Variants in PDE3A observed in about 807,000 individuals in gnomAD.
The protein encoded by PDE3A is cGMP-inhibited 3',5'-cyclic phosphodiesterase 3A.
PDE3A carries 43 observed loss-of-function variants against 98.3 expected under a neutral mutation model. That is an observed-to-expected ratio of 0.44 (90% confidence interval 0.34 to 0.56). The LOEUF (loss-of-function observed/expected upper bound fraction) is 0.56. PDE3A is among the 20% of genes least tolerant of loss of function. The pLI is 0.01. For missense variants in PDE3A, 1,427 were observed against 1,440.7 expected (o/e 0.99, Z 0.15); for synonymous variants, 663 against 567.9 (o/e 1.17, Z -2.38).
intron 1 of PDE3A, among the ~76,000 whole-genome samples, chr12:20,541,302 A>G (rs1415942297): frequency 6.6e-6 from 1 of 151,660 alleles, no homozygotes; most frequent in African/African-American, 2.4e-5. Flanking sequence ...AGGTCTCACT[A>G]TGTTGCCCAG....
chr12:20,519,752 T>C (rs1364507441), intron 1 of PDE3A, among the ~76,000 whole-genome samples: 1 of 152,144 alleles, frequency 6.6e-6, no homozygotes, highest in East Asian at 1.9e-4. Context: ...GTTTGGTTGA[T>C]TGATTTTCTC....
chr12:20,467,680 T>G (rs148108485), intron 1 of PDE3A, among the ~76,000 whole-genome samples: 3,017 of 152,022 alleles, frequency 0.02, 114 homozygotes, highest in African/African-American at 0.069. Context: ...CTCCTGCCTG[T>G]AATCCCAGCA....
chr12:20,657,970 G>C (rs1945081229), intron 15 of PDE3A, among the ~76,000 whole-genome samples: 1 of 152,166 alleles, frequency 6.6e-6, no homozygotes, highest in Admixed American at 6.5e-5. Context: ...ATTCAAACCT[G>C]TCCTTCAGAC....
chr12:20,411,438 A>G (rs1349058554), intron 1 of PDE3A, among the ~76,000 whole-genome samples: 1 of 152,142 alleles, frequency 6.6e-6, no homozygotes, highest in Admixed American at 6.6e-5. Flanking sequence ...ACTTGGCATA[A>G]TGTATTCAAG....
intron 2 of PDE3A, among the ~76,000 whole-genome samples, chr12:20,561,491 G>A (rs1450953675): frequency 6.6e-6 from 1 of 152,282 alleles, no homozygotes; most frequent in East Asian, 1.9e-4. Flanking sequence ...TGTCAGATGT[G>A]AGTGTGCTAG....
intron 1 of PDE3A, among the ~76,000 whole-genome samples, chr12:20,512,838 AG>A (rs1363695502): frequency 6.6e-6 from 1 of 152,108 alleles, no homozygotes; most frequent in Non-Finnish European, 1.5e-5. Context: ...TGGGAGAAAA[AG>A]ACTCAATGTA....
intron 1 of PDE3A, among the ~76,000 whole-genome samples, chr12:20,410,899 C>A (rs554590459): frequency 2.6e-5 from 4 of 152,196 alleles, no homozygotes; most frequent in Non-Finnish European, 5.9e-5. Context: ...GTTCTGTCCA[C>A]AGAGCCCTTA....
Position 20,454,344 on chromosome 12 carries a change from CTG to C in PDE3A, c.960+84102_960+84103del. The stretch of plus-strand genomic sequence containing the variant: ...CCCTCACCACTCTGTCTTTACCTAA[CTG>C]TATTTTTCTGCAGTTACCAGCTGAC... On this transcript the variant is annotated intron_variant, in intron 1 of 15. Transcript: ENST00000359062. Among the ~76,000 whole-genome samples, 2 of 152,270 alleles carry C rather than the reference CTG, an allele frequency of 1.3e-5. 1 individual carries two copies. The highest frequency in any genetic ancestry group is 4.1e-4 in the South Asian group (2 of 4,824).
rs1016008897 is a variant in PDE3A, at chr12:20,368,807, C to A, written c.-478C>A. On this transcript the variant is annotated 5_prime_UTR_variant, in exon 1 of 16. Transcript: ENST00000359062. ...CTGCCGCGGGCCCGGCGCGCTGCAG[C>A]GCAGCGCAGCGCCGAGCTGCGCCTC... 1.1e-4 allele frequency among the ~76,000 whole-genome samples: 16 copies of A among 151,894 alleles called. No homozygotes were observed. Among genetic ancestry groups the A allele is most frequent in the Admixed American group, 3.3e-4 (5 of 15,270 alleles).
At chr12:20,402,637 A>C (rs1248752087) in intron 1 of PDE3A, among the ~76,000 whole-genome samples, 1 of 152,242 alleles carries the variant, frequency 6.6e-6, no homozygotes. Flanking sequence ...ACAACTATGA[A>C]TATAAATTTA....
intron 1 of PDE3A, among the ~76,000 whole-genome samples, chr12:20,492,893 G>T (rs1303417418): frequency 6.6e-6 from 1 of 152,094 alleles, no homozygotes; most frequent in African/African-American, 2.4e-5. Context: ...GTAAGGGTGG[G>T]GTGGTGGTGG....
chr12:20,541,265 T>TG (rs1250552667), intron 1 of PDE3A, among the ~76,000 whole-genome samples: 1 of 151,606 alleles, frequency 6.6e-6, no homozygotes, highest in Non-Finnish European at 1.5e-5. Context: ...ACCTGGCTAA[T>TG]TTTTAAAATA....
At chr12:20,556,791 TA>T (rs1942380855) in intron 2 of PDE3A, 81 bp downstream of exon 2, 1 of 1,018,018 alleles carries the variant, frequency 9.8e-7, no homozygotes, top group African/African-American at 1.6e-5. Context: ...CAAGAGATAA[TA>T]AAATGTGGAG....
At chr12:20,484,171 G>A (rs969145201) in intron 1 of PDE3A, among the ~76,000 whole-genome samples, 4 of 152,066 alleles carry the variant, frequency 2.6e-5, no homozygotes, top group African/African-American at 2.4e-5. Flanking sequence ...ACAGAATTCT[G>A]CAATACATAC....
In PDE3A at chr12:20,474,342, A is replaced by C. The variant is rs1945491392; in HGVS notation, c.961-82318A>C. Among the ~76,000 whole-genome samples, 4 of 152,200 alleles carry C rather than the reference A, an allele frequency of 2.6e-5. No individual in the cohort carries two copies. In the South Asian group the frequency reaches 8.3e-4, roughly 32 times the overall value. On this transcript the variant is annotated intron_variant, in intron 1 of 15. Transcript: ENST00000359062. ...TCGATATGTGTCTTTTGTCGTCTAG[A>C]TATATTGTGAGTGTTTTCTCGTAGG... is the stretch of plus-strand genomic sequence containing the variant.
At chr12:20,551,825 A>C in intron 1 of PDE3A, 1 of 1,613,964 alleles carries the variant, frequency 6.2e-7, no homozygotes. Context: ...GACTGGGACA[A>C]GGGCATGGCC....
At chr12:20,515,795 G>T (rs924313992) in intron 1 of PDE3A, among the ~76,000 whole-genome samples, 5 of 150,048 alleles carry the variant, frequency 3.3e-5, no homozygotes, top group African/African-American at 7.3e-5. Flanking sequence ...TGCAGTGGCG[G>T]GATCTCGGCT....
chr12:20,628,596 G>A (rs74921018), intron 5 of PDE3A, among the ~76,000 whole-genome samples: 2 of 151,980 alleles, frequency 1.3e-5, no homozygotes, highest in African/African-American at 2.4e-5. Flanking sequence ...AAGTGGTTTC[G>A]TTTGCTTAGT....
At chr12:20,453,991 A>T (rs1193246969) in intron 1 of PDE3A, among the ~76,000 whole-genome samples, 1 of 152,126 alleles carries the variant, frequency 6.6e-6, no homozygotes, top group Admixed American at 6.5e-5. Context: ...CAATCTTGCA[A>T]TTGCCCCAAC....
Sources: gnomAD v4.1 joint callset for allele counts (sites outside exome capture counted in the v4.1 genomes callset) on GRCh38, gnomAD v4.1.1 for gene constraint, MANE v1.5 for transcripts, NCBI Gene and HGNC (gene_info 2026-07-23, HGNC 2026-07-21) for gene names.